The following UBE2W variants were observed in gnomAD, a reference collection of about 807,000 sequenced individuals.
UBE2W encodes the protein ubiquitin-conjugating enzyme E2 W.
UBE2W carries 18 observed loss-of-function variants against 27.2 expected under a neutral mutation model. The ratio of observed to expected loss-of-function variants is 0.66; its 90% confidence interval spans 0.46 to 0.98. The LOEUF is 0.98. Ranked by LOEUF, UBE2W falls within the 50% of genes least tolerant of loss-of-function variation. The pLI is 0.00. For synonymous variants in UBE2W, 53 were observed against 57.2 expected (o/e 0.93, Z 0.33); for missense variants, 90 against 180.2 (o/e 0.50, Z 2.87).
chr8:73,819,768 AG>A (rs1409722109), intron 3 of UBE2W, among the ~76,000 whole-genome samples: 2 of 152,230 alleles, frequency 1.3e-5, no homozygotes, highest in African/African-American at 4.8e-5. Flanking sequence ...ATTATAAGGC[AG>A]GACACAACAT....
intron 1 of UBE2W, among the ~76,000 whole-genome samples, chr8:73,845,516 G>A (rs1043941363): frequency 1.3e-5 from 2 of 152,052 alleles, no homozygotes; most frequent in African/African-American, 2.4e-5. Context: ...CAGCATACTC[G>A]TTAAGAGTCA....
intron 1 of UBE2W, among the ~76,000 whole-genome samples, chr8:73,850,843 GA>G (rs1811047344): frequency 6.7e-6 from 1 of 150,348 alleles, no homozygotes; most frequent in Non-Finnish European, 1.5e-5. Flanking sequence ...ATTCACCTAT[GA>G]TTTCTATTTT....
intron 2 of UBE2W, among the ~76,000 whole-genome samples, chr8:73,829,142 ATAAC>A (rs1339355364): frequency 2.6e-5 from 4 of 152,188 alleles, no homozygotes; most frequent in Non-Finnish European, 5.9e-5. Context: ...AATTTGTGGT[ATAAC>A]TACCTGGTAA....
chr8:73,807,948 A>G (rs1808987408), intron 4 of UBE2W, among the ~76,000 whole-genome samples: 1 of 152,234 alleles, frequency 6.6e-6, no homozygotes, highest in African/African-American at 2.4e-5. Context: ...GCATGCAAAT[A>G]AAGTGGAATT....
chr8:73,816,067 T>C (rs1162584740), intron 3 of UBE2W, among the ~76,000 whole-genome samples: 1 of 152,204 alleles, frequency 6.6e-6, no homozygotes, highest in Non-Finnish European at 1.5e-5. Flanking sequence ...CATTCAATTC[T>C]CCCTTTTTAG....
intron 1 of UBE2W, among the ~76,000 whole-genome samples, chr8:73,849,541 A>AAAAAG (rs1810982370): frequency 1.4e-5 from 2 of 148,034 alleles, no homozygotes; most frequent in African/African-American, 5.1e-5. Context: ...AAAAAAAAAA[A>AAAAAG]TTGTGTGTAA....
intron 5 of UBE2W, chr8:73,795,824 G>C (rs1808387305): frequency 1.0e-6 from 1 of 979,384 alleles, no homozygotes; most frequent in Non-Finnish European, 1.2e-6. Context: ...GCTCACGCCT[G>C]TAATTCCAGC....
intron 1 of UBE2W, among the ~76,000 whole-genome samples, chr8:73,841,231 T>G (rs538373578): frequency 1.1e-3 from 175 of 152,268 alleles, no homozygotes; most frequent in Non-Finnish European, 2.0e-3. Flanking sequence ...AGAAACAGAA[T>G]TCTAACAGTG....
intron 1 of UBE2W, among the ~76,000 whole-genome samples, chr8:73,852,393 C>G (rs1356799117): frequency 6.6e-6 from 1 of 152,120 alleles, no homozygotes; most frequent in African/African-American, 2.4e-5. Context: ...GTCTAGTATT[C>G]AGGAAATGAA....
chr8:73,823,097 T>A lies in UBE2W; in HGVS notation c.210+2050A>T, dbSNP rs186621256. Among the ~76,000 whole-genome samples the A allele has an allele frequency of 2.0e-5, 3 of 151,992 alleles. No individual in the cohort carries two copies. The East Asian group carries it at 5.8e-4, about 29-fold the overall frequency. ...AGATCTGGGAGTTAGCTGCTTAAGGTGACTGAAGGTGAAAGAAGAGTGAGA... is the reference window on the plus strand; with the variant it reads ...AGATCTGGGAGTTAGCTGCTTAAGGAGACTGAAGGTGAAAGAAGAGTGAGA... On this transcript the variant is annotated intron_variant, in intron 3 of 5. Coordinates refer to ENST00000602593, the MANE Select transcript of UBE2W (RefSeq NM_018299.6).
At chr8:73,856,422 T>C (rs1050004781) in intron 1 of UBE2W, among the ~76,000 whole-genome samples, 3 of 135,646 alleles carry the variant, frequency 2.2e-5, no homozygotes, top group Non-Finnish European at 4.6e-5. Flanking sequence ...TGGAGTGCAG[T>C]AGCACGATCT....
At chr8:73,842,354 CCT>C (rs1390759357) in intron 1 of UBE2W, among the ~76,000 whole-genome samples, 1 of 151,124 alleles carries the variant, frequency 6.6e-6, no homozygotes, top group Non-Finnish European at 1.5e-5. Flanking sequence ...ATGGTGAAAC[CCT>C]GTCTCGACTA....
At chr8:73,867,571 C>T (rs1811832498) in intron 1 of UBE2W, among the ~76,000 whole-genome samples, 1 of 151,694 alleles carries the variant, frequency 6.6e-6, no homozygotes, top group Non-Finnish European at 1.5e-5. Context: ...ATTAGCCAGG[C>T]GTGGTAGCAC....
At chr8:73,839,332 T>A (rs577620912) in intron 1 of UBE2W, among the ~76,000 whole-genome samples, 119 of 137,356 alleles carry the variant, frequency 8.7e-4, no homozygotes, top group Middle Eastern at 3.6e-3. Context: ...GACATTTTTT[T>A]AAAATGCTCC....
chr8:73,793,974 T>C lies in UBE2W; in HGVS notation c.*128A>G. 1.3e-6 allele frequency: 2 copies of C among 1,504,218 alleles called. No homozygotes were observed. Among genetic ancestry groups the C allele is most frequent in the Non-Finnish European group, 1.8e-6 (2 of 1,126,612 alleles). 93.2% of individuals were successfully genotyped at this position (1,504,218 alleles called of 1,614,324 possible). Reference sequence around the variant, plus strand: ...AGAATGCACACGAGTAAAAATGCAGTAAAAGGAAGTAGTCTTCATTGCCTA... The same window carrying C: ...AGAATGCACACGAGTAAAAATGCAGCAAAAGGAAGTAGTCTTCATTGCCTA... On this transcript the variant is annotated 3_prime_UTR_variant, in exon 6 of 6. Transcript: ENST00000602593.
intron 3 of UBE2W, among the ~76,000 whole-genome samples, chr8:73,810,902 C>T (rs972549717): frequency 1.3e-5 from 2 of 152,042 alleles, no homozygotes; most frequent in East Asian, 1.9e-4. Context: ...TTCTAAACTA[C>T]GTATTTTTTA....
chr8:73,805,472 C>CAAAAAAAAAAAAAACAAAAAA, intron 5 of UBE2W, among the ~76,000 whole-genome samples, 179 bp downstream of exon 5: 4 of 43,684 alleles, frequency 9.2e-5, no homozygotes, highest in African/African-American at 2.4e-4. Flanking sequence ...AAAAAAAAAA[C>CAAAAAAAAAAAAAACAAAAAA]AAAAAAAACT....
At chr8:73,854,760 C>G (rs1563622782) in intron 1 of UBE2W, among the ~76,000 whole-genome samples, 1 of 152,164 alleles carries the variant, frequency 6.6e-6, no homozygotes, top group Non-Finnish European at 1.5e-5. Context: ...AGTCGAAAAC[C>G]CACATGTAAC....
intron 3 of UBE2W, among the ~76,000 whole-genome samples, chr8:73,813,177 A>G (rs565451140): frequency 3.2e-3 from 488 of 151,880 alleles, no homozygotes; most frequent in Non-Finnish European, 5.9e-3. Context: ...TAGCAACACG[A>G]AGGTTACTAC....
Sources: gnomAD v4.1 joint callset for allele counts (sites outside exome capture counted in the v4.1 genomes callset) on GRCh38, gnomAD v4.1.1 for gene constraint, MANE v1.5 for transcripts, NCBI Gene and HGNC (gene_info 2026-07-23, HGNC 2026-07-21) for gene names.